MYO16: variants seen among roughly 807,000 people sequenced by gnomAD.
The protein encoded by MYO16 is myosin XVI.
MYO16 carries 94 observed loss-of-function variants against 205.3 expected under a neutral mutation model. The observed-to-expected ratio is 0.46, with a 90% CI of 0.39 to 0.54. MYO16 has a LOEUF of 0.54. MYO16 is among the 20% of genes least tolerant of loss of function. MYO16 has a pLI of 0.00. For missense variants in MYO16, 2,315 were observed against 2,387.5 expected (o/e 0.97, Z 0.63); for synonymous variants, 988 against 954.0 (o/e 1.04, Z -0.66).
At chr13:109,158,755 A>G (rs938453191) in intron 32 of MYO16, among the ~76,000 whole-genome samples, 1 of 152,262 alleles carries the variant, frequency 6.6e-6, no homozygotes, top group Non-Finnish European at 1.5e-5. Flanking sequence ...AAGATGAAAA[A>G]TGAACATTTA....
At chr13:108,622,567 G>A (rs1164849964) in intron 1 of MYO16, among the ~76,000 whole-genome samples, 2 of 151,726 alleles carry the variant, frequency 1.3e-5, no homozygotes, top group African/African-American at 4.8e-5. Context: ...ACTCTGAGAA[G>A]TCCTTCCAGT....
intron 34 of MYO16, among the ~76,000 whole-genome samples, chr13:109,198,032 C>A (rs1880231096): frequency 6.6e-6 from 1 of 152,148 alleles, no homozygotes; most frequent in South Asian, 2.1e-4. Context: ...AGCTTTTGAA[C>A]TTACCCTGCT....
intron 4 of MYO16, among the ~76,000 whole-genome samples, chr13:108,774,330 G>T (rs1160182638): frequency 6.6e-6 from 1 of 152,114 alleles, no homozygotes; most frequent in African/African-American, 2.4e-5. Flanking sequence ...TGTGGGGAAT[G>T]ATATATTTGA....
chr13:109,022,340 T>TG (rs1555324953), intron 23 of MYO16, among the ~76,000 whole-genome samples: 2 of 85,044 alleles, frequency 2.4e-5, no homozygotes, highest in African/African-American at 4.5e-5. Context: ...TATTTATATA[T>TG]TATATACAAA....
chr13:108,852,816 T>G (rs943230894), intron 10 of MYO16, among the ~76,000 whole-genome samples: 1 of 152,124 alleles, frequency 6.6e-6, no homozygotes, highest in Non-Finnish European at 1.5e-5. Context: ...CTCAACCACT[T>G]TATGAAGTAT....
At chr13:109,040,505 G>A (rs763804426) in intron 23 of MYO16, among the ~76,000 whole-genome samples, 1 of 151,758 alleles carries the variant, frequency 6.6e-6, no homozygotes, top group Non-Finnish European at 1.5e-5. Context: ...TATATAAAAA[G>A]AACGGTTTTG....
chr13:108,812,537 T>G (rs559916759), intron 7 of MYO16, among the ~76,000 whole-genome samples: 2 of 152,256 alleles, frequency 1.3e-5, no homozygotes, highest in South Asian at 4.1e-4. Flanking sequence ...CCCAGGCACA[T>G]GCAAGGGCTT....
At position 108,957,810 on chromosome 13, in the gene MYO16, T is replaced by A. The variant is rs1883433550; in HGVS notation, c.2037+11T>A. 6.3e-7 allele frequency: 1 copy of A among 1,582,506 alleles called. No homozygotes were observed. Among genetic ancestry groups the A allele is most frequent in the Non-Finnish European group, 8.7e-7 (1 of 1,151,848 alleles). On this transcript the variant is annotated intron_variant, in intron 17 of 34. Coordinates refer to ENST00000457511, the MANE Select transcript of MYO16 (RefSeq NM_001198950.3). ...GGCTTCAGCAGCTTGGTGAGTCATGTCATAAATATTTCACTGAGAAAATCA... is the reference window on the plus strand; with the variant it reads ...GGCTTCAGCAGCTTGGTGAGTCATGACATAAATATTTCACTGAGAAAATCA...
At chr13:108,504,418 C>A in the MYO16 span, among the ~76,000 whole-genome samples, 1 of 152,194 alleles carries the variant, frequency 6.6e-6, no homozygotes, top group South Asian at 2.1e-4. Context: ...TGAGCCACCA[C>A]GCCCAGCCCA....
Position 108,651,112 on chromosome 13 carries a change from G to A in MYO16, c.29-14774G>A, listed in dbSNP as rs116714891. On this transcript the variant is annotated intron_variant, in intron 1 of 34. Transcript: ENST00000457511. ...CTGTGCAGTTGGTTCCCAGGGCAGG[G>A]CTTCAAATCAGCAGGCTCTCCAGAG... Among the ~76,000 whole-genome samples the A allele has an allele frequency of 1.9e-3, 288 of 152,308 alleles. 2 individuals carry two copies. Among genetic ancestry groups the A allele is most frequent in the African/African-American group, 6.7e-3 (280 of 41,578 alleles).
the MYO16 span, among the ~76,000 whole-genome samples, chr13:108,583,589 T>C: frequency 5.9e-5 from 9 of 152,322 alleles, no homozygotes; most frequent in African/African-American, 1.9e-4. Context: ...TAAAATGAAA[T>C]CATAGCATGT....
At chr13:108,866,817 G>T (rs549270924) in intron 12 of MYO16, among the ~76,000 whole-genome samples, 1 of 152,188 alleles carries the variant, frequency 6.6e-6, no homozygotes, top group African/African-American at 2.4e-5. Flanking sequence ...AACAAGGCTG[G>T]TTCCGCTAAT....
At chr13:108,559,045 T>C in the MYO16 span, among the ~76,000 whole-genome samples, 1 of 151,954 alleles carries the variant, frequency 6.6e-6, no homozygotes, top group Non-Finnish European at 1.5e-5. Context: ...ATGGGTTGAA[T>C]TGTGTCTCTG....
chr13:109,066,644 A>G (rs551655350), intron 27 of MYO16, among the ~76,000 whole-genome samples: 20 of 152,320 alleles, frequency 1.3e-4, no homozygotes, highest in African/African-American at 4.8e-4. Context: ...CACTTTTTGT[A>G]TAAAGGACCA....
In MYO16 at chr13:108,714,204, C is replaced by T. The variant is rs536596184; in HGVS notation, c.363+1473C>T. ...CTGAGTAGCTGGGACTACAGGCACC[C>T]GCCATCACGCCCAGCGAATTTTTTG... On this transcript the variant is annotated intron_variant, in intron 3 of 34. Transcript: ENST00000457511. Among the ~76,000 whole-genome samples, 19 of 152,180 alleles carry T rather than the reference C, an allele frequency of 1.2e-4. No homozygotes were observed. The East Asian group carries it at 3.5e-3, about 28-fold the overall frequency.
At chr13:108,553,996 T>G in the MYO16 span, among the ~76,000 whole-genome samples, 1 of 152,294 alleles carries the variant, frequency 6.6e-6, no homozygotes, top group African/African-American at 2.4e-5. Context: ...ACCAATGCAC[T>G]CTGATGGTCC....
chr13:108,632,078 C>CAAAAAAA (rs59971095), intron 1 of MYO16, among the ~76,000 whole-genome samples: 7 of 67,260 alleles, frequency 1.0e-4, no homozygotes, highest in Non-Finnish European at 1.4e-4. Context: ...AACCCCAACT[C>CAAAAAAA]AAAAAAAAAA....
chr13:108,951,158 C>G (rs1052411900), intron 16 of MYO16, among the ~76,000 whole-genome samples: 1 of 151,690 alleles, frequency 6.6e-6, no homozygotes, highest in African/African-American at 2.4e-5. Context: ...TGGAAAAGAA[C>G]AAAAAAAGAA....
At chr13:108,582,544 C>T in the MYO16 span, among the ~76,000 whole-genome samples, 352 of 152,280 alleles carry the variant, frequency 2.3e-3, 2 homozygotes, top group African/African-American at 7.7e-3. Flanking sequence ...TATTCGAATT[C>T]ATAGTGTAAG....
Sources: allele counts gnomAD v4.1 joint callset (sites outside exome capture counted in the v4.1 genomes callset), GRCh38; gene constraint gnomAD v4.1.1; transcripts MANE v1.5; gene names NCBI Gene and HGNC (gene_info 2026-07-23, HGNC 2026-07-21).